Variants in ADCY1 observed in about 807,000 individuals in gnomAD.
ADCY1 encodes adenylate cyclase 1.
ADCY1 carries 28 observed loss-of-function variants against 105.4 expected under a neutral mutation model. The ratio of observed to expected loss-of-function variants is 0.27; its 90% CI spans 0.20 to 0.36. The LOEUF (loss-of-function observed/expected upper bound fraction) is 0.36, where lower values mean the gene tolerates loss of function less well. Ranked by LOEUF, ADCY1 falls within the 10% of genes least tolerant of loss-of-function variation. ADCY1 has a pLI of 1.00. For synonymous variants in ADCY1, 655 were observed against 623.8 expected (o/e 1.05, Z -0.75); for missense variants, 977 against 1,434.2 (o/e 0.68, Z 5.15).
At chr7:45,626,637 G>A (rs994753105) in intron 4 of ADCY1, among the ~76,000 whole-genome samples, 3 of 152,232 alleles carry the variant, frequency 2.0e-5, no homozygotes, top group South Asian at 2.1e-4. Context: ...CATCACCCCC[G>A]ATAACTACAA....
chr7:45,627,377 C>G (rs558055375), intron 4 of ADCY1, among the ~76,000 whole-genome samples: 2 of 152,338 alleles, frequency 1.3e-5, no homozygotes, highest in South Asian at 4.1e-4. Context: ...CGGGTGCATC[C>G]TGTCCAGCTA....
chr7:45,711,755 A>G lies in ADCY1; in HGVS notation c.3057+1103A>G, dbSNP rs991471957. Among the ~76,000 whole-genome samples the G allele has an allele frequency of 2.8e-5, 4 of 142,480 alleles. No homozygotes were observed. The East Asian group carries it at 8.0e-4, about 28-fold the overall frequency. The allele number at this position is 142,480 out of a possible 152,430, so 93.5% of individuals were successfully genotyped here. A position where few individuals can be genotyped will look rare whatever the true frequency, so the allele number is the denominator to read the frequency against. On this transcript the variant is annotated intron_variant, in intron 19 of 19. Transcript: ENST00000297323. ...TGTGTGTATATATACGTGTGTGTAT[A>G]TACATATATGTGTATATATACAGCA... is the stretch of plus-strand genomic sequence containing the variant.
intron 4 of ADCY1, among the ~76,000 whole-genome samples, chr7:45,633,038 C>T (rs1203299866): frequency 6.6e-6 from 1 of 152,080 alleles, no homozygotes; most frequent in Non-Finnish European, 1.5e-5. Flanking sequence ...CTACCTCAGC[C>T]TCTGGAGTAA....
chr7:45,599,030 G>T (rs894176972), intron 2 of ADCY1, among the ~76,000 whole-genome samples: 1 of 152,212 alleles, frequency 6.6e-6, no homozygotes, highest in African/African-American at 2.4e-5. Flanking sequence ...GGTTCTAGGA[G>T]CGAGGGGCAG....
chr7:45,676,687 T>C (rs1784460457), intron 8 of ADCY1, among the ~76,000 whole-genome samples: 2 of 152,102 alleles, frequency 1.3e-5, no homozygotes, highest in African/African-American at 4.8e-5. Flanking sequence ...TCATTACCAC[T>C]CAGTGGAGAT....
intron 2 of ADCY1, among the ~76,000 whole-genome samples, chr7:45,604,899 A>G (rs549909900): frequency 1.8e-4 from 28 of 152,314 alleles, no homozygotes; most frequent in Admixed American, 2.6e-4. Flanking sequence ...TTAAAACTGT[A>G]TATCAATTTG....
intron 1 of ADCY1, among the ~76,000 whole-genome samples, chr7:45,584,433 C>T (rs1333490125): frequency 6.6e-6 from 1 of 152,208 alleles, no homozygotes. Flanking sequence ...GTCAGGCACC[C>T]ACTGTGGACA....
At chr7:45,693,052 A>G (rs1275069972) in intron 14 of ADCY1, among the ~76,000 whole-genome samples, 3 of 152,264 alleles carry the variant, frequency 2.0e-5, no homozygotes, top group Admixed American at 1.3e-4. Flanking sequence ...TAGAACTGCA[A>G]GAAATTCTTC....
intron 14 of ADCY1, among the ~76,000 whole-genome samples, chr7:45,695,161 A>T (rs1295629100): frequency 6.6e-6 from 1 of 152,032 alleles, no homozygotes; most frequent in Non-Finnish European, 1.5e-5. Flanking sequence ...TATTCCCATC[A>T]CTCAAGGATC....
intron 8 of ADCY1, among the ~76,000 whole-genome samples, chr7:45,666,451 C>T (rs1423011328): frequency 6.6e-6 from 1 of 152,210 alleles, no homozygotes; most frequent in Non-Finnish European, 1.5e-5. Context: ...CATGTCCCTA[C>T]AAAGGATATG....
At chr7:45,629,423 G>A (rs1288465239) in intron 4 of ADCY1, among the ~76,000 whole-genome samples, 1 of 151,680 alleles carries the variant, frequency 6.6e-6, no homozygotes, top group African/African-American at 2.4e-5. Context: ...GAACATTCAT[G>A]TACAAGTCTA....
At chr7:45,634,709 G>T (rs541964913) in intron 4 of ADCY1, among the ~76,000 whole-genome samples, 1 of 152,228 alleles carries the variant, frequency 6.6e-6, no homozygotes, top group South Asian at 2.1e-4. Context: ...GATGCTGGGA[G>T]GCAGCAGCAA....
At chr7:45,678,352 G>A in intron 10 of ADCY1, 89 bp downstream of exon 10, 2 of 1,284,194 alleles carry the variant, frequency 1.6e-6, no homozygotes, top group Non-Finnish European at 2.3e-6. Flanking sequence ...TCGTGGTTGT[G>A]TTTCTGTTGT....
At chr7:45,635,232 C>T (rs1794369327) in intron 4 of ADCY1, among the ~76,000 whole-genome samples, 1 of 151,488 alleles carries the variant, frequency 6.6e-6, no homozygotes, top group African/African-American at 2.4e-5. Context: ...GTGATGTCAC[C>T]TCTTTTATCC....
At chr7:45,694,115 TAAAAAAA>T (rs140981457) in intron 14 of ADCY1, among the ~76,000 whole-genome samples, 1 of 115,452 alleles carries the variant, frequency 8.7e-6, no homozygotes, top group Non-Finnish European at 1.8e-5. Flanking sequence ...TAGAGTATAA[TAAAAAAA>T]AAAAAAAAAA....
intron 3 of ADCY1, among the ~76,000 whole-genome samples, chr7:45,619,533 T>C (rs1793834533): frequency 6.6e-6 from 1 of 152,140 alleles, no homozygotes; most frequent in South Asian, 2.1e-4. Flanking sequence ...TATACAAATA[T>C]TTATACAACA....
At chr7:45,668,457 C>T (rs565726154) in intron 8 of ADCY1, among the ~76,000 whole-genome samples, 6 of 152,324 alleles carry the variant, frequency 3.9e-5, no homozygotes, top group African/African-American at 1.4e-4. Context: ...GTTGAACCAG[C>T]CTTGCATCCC....
chr7:45,638,494 T>C (rs924449606), intron 4 of ADCY1, among the ~76,000 whole-genome samples: 3 of 152,070 alleles, frequency 2.0e-5, no homozygotes, highest in African/African-American at 7.2e-5. Context: ...TTTTTTTTTT[T>C]TTTTGTATTA....
At chr7:45,636,703 G>A (rs1028362032) in intron 4 of ADCY1, among the ~76,000 whole-genome samples, 6 of 152,176 alleles carry the variant, frequency 3.9e-5, no homozygotes, top group African/African-American at 1.4e-4. Flanking sequence ...ACCACACCCA[G>A]CTAATTTTTA....
Sources: allele counts gnomAD v4.1 joint callset (sites outside exome capture counted in the v4.1 genomes callset), GRCh38; gene constraint gnomAD v4.1.1; transcripts MANE v1.5; gene names NCBI Gene and HGNC (gene_info 2026-07-23, HGNC 2026-07-21).